RUFY1: variants seen among roughly 807,000 people sequenced by gnomAD.
The protein encoded by RUFY1 is RUN and FYVE domain containing 1, also known as RUN and FYVE domain-containing protein 1.
Under a neutral mutation model 94.6 loss-of-function variants are expected in RUFY1, and 54 were observed. The ratio of observed to expected loss-of-function variants is 0.57; its 90% CI spans 0.46 to 0.72. The LOEUF is 0.72. RUFY1 is among the 30% of genes least tolerant of loss of function. The pLI is 0.00. For missense variants in RUFY1, 883 were observed against 883.9 expected (o/e 1.00, Z 0.01); for synonymous variants, 396 against 347.3 (o/e 1.14, Z -1.56).
intron 6 of RUFY1, among the ~76,000 whole-genome samples, 169 bp from the exon 7 acceptor site, chr5:179,580,778 C>G (rs1764095693): frequency 6.6e-6 from 1 of 152,128 alleles, no homozygotes; most frequent in South Asian, 2.1e-4. Context: ...GTGACCCAGG[C>G]TGGCTTTCTC....
intron 13 of RUFY1, chr5:179,596,976 C>G (rs527379691): frequency 5.5e-6 from 2 of 366,916 alleles, no homozygotes; most frequent in Non-Finnish European, 4.9e-6. Flanking sequence ...AAAGAAACAG[C>G]TTTGTCAGTG....
rs371003638 is a variant in RUFY1, at chr5:179,602,257, T to C, written c.1856+271T>C. The C allele has an allele frequency of 1.2e-5, 5 of 406,632 alleles. No individual in the cohort carries two copies. The South Asian group carries it at 1.9e-4, about 15-fold the overall frequency. The allele number at this position is 406,632 out of a possible 1,614,324, so 25.2% of individuals were successfully genotyped here. On this transcript the variant is annotated intron_variant, in intron 15 of 17. Coordinates refer to ENST00000319449, the MANE Select transcript of RUFY1 (RefSeq NM_025158.5). The stretch of plus-strand genomic sequence containing the variant: ...AGGACACTCCTATTCCTTAGCTTCA[T>C]ATCCAGGGCCTGAGGGAACAGATGG...
intron 1 of RUFY1, among the ~76,000 whole-genome samples, chr5:179,551,457 C>G (rs562902531): frequency 9.4e-4 from 143 of 152,340 alleles, no homozygotes; most frequent in African/African-American, 3.4e-3. Context: ...AATACAACAG[C>G]ACGCATATGT....
chr5:179,596,033 T>C (rs1374511460), intron 12 of RUFY1: 1 of 159,750 alleles, frequency 6.3e-6, no homozygotes, highest in Admixed American at 5.9e-5. Context: ...ACACCAAAAC[T>C]AGTACATATG....
intron 15 of RUFY1, among the ~76,000 whole-genome samples, chr5:179,604,246 C>T (rs1057324449): frequency 5.3e-5 from 8 of 152,136 alleles, no homozygotes; most frequent in Admixed American, 1.3e-4. Context: ...TGCTCTCTCC[C>T]CTCTTCCCTT....
chr5:179,555,714 G>T, intron 1 of RUFY1: 1 of 372,884 alleles, frequency 2.7e-6, no homozygotes, highest in South Asian at 1.8e-5. Context: ...GGCAACCTCC[G>T]CCTCCCAGGT....
At chr5:179,579,657 C>CTTTTTTTTGTTTTTTTTTTT (rs1763945894) in intron 6 of RUFY1, among the ~76,000 whole-genome samples, 1 of 50,548 alleles carries the variant, frequency 2.0e-5, no homozygotes, top group Non-Finnish European at 3.8e-5. Context: ...TTTTCTTCTT[C>CTTTTTTTTGTTTTTTTTTTT]TTTTTTTTTT....
chr5:179,588,568 C>T (rs1168734879), intron 8 of RUFY1, among the ~76,000 whole-genome samples: 3 of 152,108 alleles, frequency 2.0e-5, no homozygotes, highest in African/African-American at 7.2e-5. Context: ...TTATTCCTCC[C>T]TGCAAATTCT....
intron 6 of RUFY1, 89 bp from the exon 7 acceptor site, chr5:179,580,858 C>G (rs535163441): frequency 1.4e-6 from 1 of 722,996 alleles, no homozygotes; most frequent in South Asian, 1.8e-5. Flanking sequence ...ATTGGTACTT[C>G]TACAAGGTGA....
intron 4 of RUFY1, 63 bp from the exon 5 acceptor site, chr5:179,569,239 G>A (rs2127524218): frequency 6.2e-7 from 1 of 1,611,006 alleles, no homozygotes; most frequent in East Asian, 2.2e-5. Flanking sequence ...GTTCAGGGTG[G>A]GGAAGGAGTG....
intron 1 of RUFY1, among the ~76,000 whole-genome samples, chr5:179,552,234 G>T (rs1207766168): frequency 3.3e-5 from 5 of 149,818 alleles, no homozygotes; most frequent in Non-Finnish European, 7.4e-5. Context: ...TCAGTAGCCT[G>T]TGTGTGGCCA....
intron 3 of RUFY1, among the ~76,000 whole-genome samples, chr5:179,565,259 G>C (rs1201396501): frequency 7.4e-6 from 1 of 135,494 alleles, no homozygotes; most frequent in African/African-American, 2.8e-5. Context: ...ACTCACTGCA[G>C]CCTCTGCCTC....
At position 179,580,937 on chromosome 5, in the gene RUFY1, C is replaced by A. The variant is rs1439701483; in HGVS notation, c.891-10C>A. ...AAAAAAGTTCTTCCTTCTTATGCTC[C>A]TTTTAAAAGGCATGAAAGAATTACT... On this transcript the variant is annotated splice_polypyrimidine_tract_variant and intron_variant, in intron 6 of 17. Coordinates refer to ENST00000319449, the MANE Select transcript of RUFY1 (RefSeq NM_025158.5). 6 of 1,559,424 alleles carry A rather than the reference C, an allele frequency of 3.8e-6. No homozygotes were observed. In the African/African-American group the frequency reaches 6.9e-5, roughly 18 times the overall value.
intron 8 of RUFY1, among the ~76,000 whole-genome samples, chr5:179,588,767 G>A (rs1299360203): frequency 6.6e-6 from 1 of 152,116 alleles, no homozygotes; most frequent in Non-Finnish European, 1.5e-5. Flanking sequence ...CTGTGGCTTT[G>A]TCACCCAGGC....
At chr5:179,576,733 T>C (rs952395132) in intron 5 of RUFY1, among the ~76,000 whole-genome samples, 1 of 152,234 alleles carries the variant, frequency 6.6e-6, no homozygotes, top group Non-Finnish European at 1.5e-5. Context: ...GTCACCACTT[T>C]AGAGATCCAG....
rs138785520 is a variant in RUFY1, at chr5:179,573,219, A to G, written c.828+3794A>G. Among the ~76,000 whole-genome samples, 28 of 152,226 alleles carry G rather than the reference A, an allele frequency of 1.8e-4. No homozygotes were observed. The East Asian group carries it at 4.4e-3, about 24-fold the overall frequency. ...CCTACTCTGCTGTACTTCTGTTTCA[A>G]ATATTTCTGGGCCATCCATTCTGCC... On this transcript the variant is annotated intron_variant, in intron 5 of 17. Transcript: ENST00000319449.
At chr5:179,557,792 C>G (rs543627944) in intron 1 of RUFY1, among the ~76,000 whole-genome samples, 1 of 151,940 alleles carries the variant, frequency 6.6e-6, no homozygotes, top group African/African-American at 2.4e-5. Flanking sequence ...AGAGACCACC[C>G]CTCTGCCCCA....
At chr5:179,590,286 G>A (rs113392802) in intron 9 of RUFY1, among the ~76,000 whole-genome samples, 21 of 151,322 alleles carry the variant, frequency 1.4e-4, no homozygotes, top group African/African-American at 4.8e-4. Flanking sequence ...CCCGGGAGAT[G>A]GAGCTTGCAG....
rs994460266 is a variant in RUFY1 at position 179,598,704 on chromosome 5, G to A, written c.1644G>A (p.Glu548=). 8 of 1,614,034 alleles carry A rather than the reference G, an allele frequency of 5.0e-6. No homozygotes were observed. The highest frequency in any genetic ancestry group is 6.8e-6 in the Non-Finnish European group (8 of 1,180,028). ...SQLHEQCSSL[E]KELKSEKEQR... is the part of the protein sequence containing the mutation. ...TTTGGGAAAACAGCTCAAGCCTGGA[G>A]AAAGAATTGAAATCAGAAAAAGAGC... The change falls in exon 14 of 18, where the codon GAG becomes GAA. Residue 548 remains glutamate (E), a synonymous_variant. Coordinates refer to ENST00000319449, the MANE Select transcript of RUFY1 (RefSeq NM_025158.5).
Sources: allele counts gnomAD v4.1 joint callset (sites outside exome capture counted in the v4.1 genomes callset), GRCh38; gene constraint gnomAD v4.1.1; transcripts MANE v1.5; gene names NCBI Gene and HGNC (gene_info 2026-07-23, HGNC 2026-07-21).